The following PPIP5K2 variants were observed in gnomAD, a reference collection of about 807,000 sequenced individuals.
The protein encoded by PPIP5K2 is diphosphoinositol pentakisphosphate kinase 2.
In PPIP5K2, 105 loss-of-function variants were observed where a neutral mutation model predicts 154.6. The ratio of observed to expected loss-of-function variants is 0.68; its 90% CI spans 0.58 to 0.80. The LOEUF is 0.80. PPIP5K2 is among the 30% of genes least tolerant of loss of function. PPIP5K2 has a pLI of 0.00. For synonymous variants in PPIP5K2, 480 were observed against 490.3 expected (o/e 0.98, Z 0.28); for missense variants, 992 against 1,504.6 (o/e 0.66, Z 5.64).
intron 11 of PPIP5K2, 111 bp from the exon 12 acceptor site, chr5:103,154,559 A>G (rs1795111193): frequency 3.1e-6 from 2 of 636,334 alleles, no homozygotes; most frequent in Non-Finnish European, 5.2e-6. Flanking sequence ...TGAAATCCTT[A>G]GATCCCAAGT....
Position 103,201,676 on chromosome 5 carries a change from G to A in PPIP5K2, c.*42G>A. On this transcript the variant is annotated 3_prime_UTR_variant, in exon 31 of 31. Coordinates refer to ENST00000358359, the MANE Select transcript of PPIP5K2 (RefSeq NM_001276277.3). ...GGAACTTTTTATACTTATAAAAATA[G>A]TATGTTCTTATGTTTCTCCTTATGC... 2 of 1,344,706 alleles carry A rather than the reference G, an allele frequency of 1.5e-6. No homozygotes were observed. Among genetic ancestry groups the A allele is most frequent in the South Asian group, 1.3e-5 (1 of 77,444 alleles). 83.3% of individuals were successfully genotyped at this position (1,344,706 alleles called of 1,614,324 possible).
At position 103,190,825 on chromosome 5, in the gene PPIP5K2, G is replaced by A. The variant is rs782778152; in HGVS notation, c.3353-17G>A. Reference sequence around the variant, plus strand: ...ATCCATCTTTTATTTTTTGTTTTTGGTTTTTTTCTCTTCTAGGCTTTGAAT... The same window carrying A: ...ATCCATCTTTTATTTTTTGTTTTTGATTTTTTTCTCTTCTAGGCTTTGAAT... On this transcript the variant is annotated splice_polypyrimidine_tract_variant and intron_variant, in intron 28 of 30. Transcript: ENST00000358359. The A allele has an allele frequency of 1.3e-6, 2 of 1,548,360 alleles. No individual in the cohort carries two copies. The highest frequency in any genetic ancestry group is 1.7e-6 in the Non-Finnish European group (2 of 1,152,990).
Position 103,183,368 on chromosome 5 carries a change from A to G in PPIP5K2, c.3057A>G (p.Ser1019=), listed in dbSNP as rs782408293. The G allele has an allele frequency of 6.2e-7, 1 of 1,610,634 alleles. No homozygotes were observed. Among genetic ancestry groups the G allele is most frequent in the East Asian group, 2.2e-5 (1 of 44,608 alleles). The change falls in exon 25 of 31, where the codon TCA becomes TCG. Residue 1019 remains serine, a synonymous_variant. Transcript: ENST00000358359. Reference sequence around the variant, plus strand: ...CTTCTTCCCCTGTCTCCCCCAAATCATTGGCTTTCACATCCAGTATTTTTG... The same window carrying G: ...CTTCTTCCCCTGTCTCCCCCAAATCGTTGGCTTTCACATCCAGTATTTTTG... The part of the protein sequence containing the change: ...QITSSPVSPK[S]LAFTSSIFGS...
At position 103,208,537 on chromosome 5, in the gene PPIP5K2, C is replaced by T. The variant is rs1398101903; in HGVS notation, c.*6903C>T. ...ACTACAGGGTTACCACCTTTGGAGT[C>T]TCTTTCCTCCTGTCTGCCACGTCTA... On this transcript the variant is annotated 3_prime_UTR_variant, in exon 31 of 31. Transcript: ENST00000358359. 1 of 152,246 alleles carries T rather than the reference C, an allele frequency of 6.6e-6. No individual in the cohort carries two copies. The highest frequency in any genetic ancestry group is 2.4e-5 in the African/African-American group (1 of 41,446). 9.4% of individuals were successfully genotyped at this position (152,246 alleles called of 1,614,324 possible).
chr5:103,156,895 A>G (rs571416887), intron 14 of PPIP5K2, among the ~76,000 whole-genome samples: 2 of 152,284 alleles, frequency 1.3e-5, no homozygotes, highest in South Asian at 2.1e-4. Context: ...TTAAATGCAG[A>G]CACATATTTA....
intron 30 of PPIP5K2, among the ~76,000 whole-genome samples, chr5:103,201,319 A>G (rs561762755): frequency 2.6e-4 from 40 of 152,348 alleles, no homozygotes; most frequent in Non-Finnish European, 4.4e-4. Flanking sequence ...AATTTTGTGA[A>G]CACAGCCCAT....
rs995062256 is a variant in PPIP5K2, at chr5:103,209,989, C to T, written c.*8355C>T. 6 of 151,952 alleles carry T rather than the reference C, an allele frequency of 3.9e-5. No homozygotes were observed. Among genetic ancestry groups the T allele is most frequent in the Admixed American group, 1.3e-4 (2 of 15,242 alleles). 9.4% of individuals were successfully genotyped at this position (151,952 alleles called of 1,614,324 possible). On this transcript the variant is annotated 3_prime_UTR_variant, in exon 31 of 31. Transcript: ENST00000358359. ...ACAATAAAATGAGACCTGGGAGTCC[C>T]AAATGTTATTAACTACCACAATTTT... is the stretch of plus-strand genomic sequence containing the variant.
Position 103,201,813 on chromosome 5 carries a change from T to G in PPIP5K2, c.*179T>G, listed in dbSNP as rs138371974. The G allele has an allele frequency of 8.1e-3, 4,529 of 561,872 alleles. 26 individuals carry two copies. The highest frequency in any genetic ancestry group is 0.012 in the Non-Finnish European group (3,931 of 317,028). 34.8% of individuals were successfully genotyped at this position (561,872 alleles called of 1,614,324 possible). ...TGTTTAAAACAATGTTTGTTAGCAT[T>G]CTGTGAGCAGCAAAACTTATAGTGA... On this transcript the variant is annotated 3_prime_UTR_variant, in exon 31 of 31. Coordinates refer to ENST00000358359, the MANE Select transcript of PPIP5K2 (RefSeq NM_001276277.3).
In PPIP5K2 at chr5:103,167,317, T is replaced by C; in HGVS notation, c.2059T>C (p.Ser687Pro). 1 of 1,567,738 alleles carries C rather than the reference T, an allele frequency of 6.4e-7. No homozygotes were observed. The highest frequency in any genetic ancestry group is 1.4e-5 in the African/African-American group (1 of 72,516). ...IRHRMEDPKS[S>P]DIQLYHSETL... is the part of the protein sequence containing the mutation. ...ACATCGAATGGAAGATCCTAAATCA[T>C]CAGGTAAATATGTTTTTCTTAGAGC... Residue 687 changes from serine to proline, a missense_variant, in exon 18 of 31, where the codon TCA (serine) becomes CCA (proline). Ser to Pro is a moderately conservative substitution (Grantham distance 74). Coordinates refer to ENST00000358359, the MANE Select transcript of PPIP5K2 (RefSeq NM_001276277.3).
chr5:103,187,168 C>T, intron 27 of PPIP5K2, 146 bp from the exon 28 acceptor site: 2 of 500,380 alleles, frequency 4.0e-6, no homozygotes, highest in Non-Finnish European at 6.9e-6. Flanking sequence ...TTCTTTTAAC[C>T]AATATTTACC....
chr5:103,190,652 T>G (rs1801087914), intron 28 of PPIP5K2, among the ~76,000 whole-genome samples, 190 bp from the exon 29 acceptor site: 2 of 152,014 alleles, frequency 1.3e-5, no homozygotes, highest in Admixed American at 1.3e-4. Flanking sequence ...AAAGAAATCT[T>G]TGTCACATCT....
intron 24 of PPIP5K2, 74 bp from the exon 25 acceptor site, chr5:103,183,160 A>G: frequency 2.6e-6 from 3 of 1,166,126 alleles, no homozygotes; most frequent in Non-Finnish European, 3.3e-6. Context: ...TGTTGTATCT[A>G]ACTTTGCATG....
At chr5:103,139,351 A>T (rs1474362933) in intron 5 of PPIP5K2, among the ~76,000 whole-genome samples, 2 of 152,158 alleles carry the variant, frequency 1.3e-5, no homozygotes, top group African/African-American at 4.8e-5. Flanking sequence ...CAGGAACACC[A>T]AATTATAAAC....
chr5:103,142,937 A>G (rs2149519210), intron 5 of PPIP5K2, among the ~76,000 whole-genome samples: 1 of 152,332 alleles, frequency 6.6e-6, no homozygotes, highest in African/African-American at 2.4e-5. Context: ...CAGAAATAAT[A>G]ACTACAACAA....
chr5:103,123,793 T>C (rs1419385118), intron 1 of PPIP5K2, among the ~76,000 whole-genome samples: 2 of 152,230 alleles, frequency 1.3e-5, no homozygotes, highest in Non-Finnish European at 2.9e-5. Flanking sequence ...GGTTCAACAC[T>C]GATATTTGAA....
chr5:103,183,240 A>C lies in PPIP5K2; in HGVS notation c.2929A>C (p.Ser977Arg). The C allele has an allele frequency of 1.4e-6, 1 of 699,250 alleles. No individual in the cohort carries two copies. Among genetic ancestry groups the C allele is most frequent in the Non-Finnish European group, 1.9e-6 (1 of 537,288 alleles). 43.3% of individuals were successfully genotyped at this position (699,250 alleles called of 1,614,324 possible). ...SRKTATNDEESPLSVSSPEGT... is the reference protein window; with the variant it reads ...SRKTATNDEERPLSVSSPEGT... The stretch of plus-strand genomic sequence containing the variant: ...CCCCCTTTCTCACTTCCAGGAAGAG[A>C]GCCCCCTGAGTGTGTCTAGCCCAGA... The change falls in exon 25 of 31, where the codon AGC becomes CGC. Residue 977 changes from serine to arginine, a missense_variant. By Grantham distance (110) the Ser-to-Arg change is moderately radical (BLOSUM62 -1). Around this residue, in one of 9 missense-constraint regions of PPIP5K2, gnomAD observed 204 missense variants for 224.0 expected, o/e 0.91. Transcript: ENST00000358359.
At chr5:103,170,462 AC>A (rs1797807755) in intron 19 of PPIP5K2, among the ~76,000 whole-genome samples, 1 of 151,412 alleles carries the variant, frequency 6.6e-6, no homozygotes, top group Non-Finnish European at 1.5e-5. Flanking sequence ...AAATCGTTTG[AC>A]TCTTCAGATA....
chr5:103,129,843 A>G (rs1268017175), intron 2 of PPIP5K2, 140 bp downstream of exon 2: 25 of 1,179,206 alleles, frequency 2.1e-5, no homozygotes, highest in Non-Finnish European at 2.7e-5. Context: ...TGTTGAATCT[A>G]TGATGAATCA....
chr5:103,174,979 A>G (rs1214354745), intron 21 of PPIP5K2, among the ~76,000 whole-genome samples: 1 of 152,130 alleles, frequency 6.6e-6, no homozygotes, highest in Admixed American at 6.6e-5. Flanking sequence ...ATGCTGTAAT[A>G]GAGTAATACT....
Sources: gnomAD v4.1 joint callset for allele counts (sites outside exome capture counted in the v4.1 genomes callset) on GRCh38, gnomAD v4.1.1 for gene constraint, gnomAD v4.1.1 regional missense constraint, MANE v1.5 for transcripts, NCBI Gene and HGNC (gene_info 2026-07-23, HGNC 2026-07-21) for gene names.